TCOF1: variants seen among roughly 807,000 people sequenced by gnomAD.
TCOF1 encodes the protein treacle ribosome biogenesis factor 1, also known as treacle protein.
TCOF1 carries 33 observed loss-of-function variants against 149.0 expected under a neutral mutation model. The ratio of observed to expected loss-of-function variants is 0.22; its 90% CI spans 0.17 to 0.30. TCOF1 has a LOEUF of 0.30. Among genes scored for constraint, TCOF1 ranks in the 10% least tolerant of loss-of-function variants. The probability of loss-of-function intolerance (pLI) is 1.00; values close to 1 mark genes in which losing one functional copy is unlikely to be tolerated. For synonymous variants in TCOF1, 789 were observed against 738.8 expected (o/e 1.07, Z -1.10); for missense variants, 1,728 against 1,840.7 (o/e 0.94, Z 1.12).
intron 16 of TCOF1, 25 bp from the exon 17 acceptor site, chr5:150,379,507 C>G (rs1250746582): frequency 1.4e-6 from 2 of 1,379,566 alleles, no homozygotes; most frequent in South Asian, 2.7e-5. Context: ...CAGGCTCTCT[C>G]CTCTCATCCT....
chr5:150,390,166 C>T, intron 19 of TCOF1, 143 bp downstream of exon 19: 1 of 1,344,486 alleles, frequency 7.4e-7, no homozygotes, highest in South Asian at 1.4e-5. Context: ...CAGAGGCTTT[C>T]TGGCCTCCTA....
chr5:150,366,605 A>ATTAGATC (rs1465147107), intron 3 of TCOF1, among the ~76,000 whole-genome samples: 1 of 151,792 alleles, frequency 6.6e-6, no homozygotes, highest in Non-Finnish European at 1.5e-5. Flanking sequence ...CAGGAAAAGA[A>ATTAGATC]TTAGATCATG....
At chr5:150,365,115 C>T (rs113921178) in intron 3 of TCOF1, 13,634 of 152,028 alleles carry the variant, frequency 0.09, 716 homozygotes, top group African/African-American at 0.15. Context: ...CAGGCTGGAG[C>T]ACAATGGCGT....
At position 150,376,540 on chromosome 5, in the gene TCOF1, G is replaced by A. The variant is rs1383140270; in HGVS notation, c.2260G>A (p.Val754Met). Residue 754 changes from valine (V) to methionine (M), a missense_variant, in exon 14 of 27, where the codon GTG (valine) becomes ATG (methionine). By Grantham distance (21) the Val-to-Met change is conservative (BLOSUM62 1). Transcript: ENST00000643257. ...PGKTGPTVTQ[V>M]KAEKQEDSES... Reference sequence around the variant, plus strand: ...GAAGACGGGGCCTACAGTCACCCAGGTGAAAGCTGAAAAGCAGGAAGACTC... The same window carrying A: ...GAAGACGGGGCCTACAGTCACCCAGATGAAAGCTGAAAAGCAGGAAGACTC... The A allele has an allele frequency of 6.2e-7, 1 of 1,608,804 alleles. No homozygotes were observed. Among genetic ancestry groups the A allele is most frequent in the African/African-American group, 1.3e-5 (1 of 74,920 alleles).
chr5:150,357,969 G>C (rs1759030617), intron 1 of TCOF1, 115 bp downstream of exon 1: 1 of 1,037,922 alleles, frequency 9.6e-7, no homozygotes, highest in Non-Finnish European at 1.4e-6. Context: ...GGGTCCCGCA[G>C]TGCTCGACGG....
At chr5:150,393,020 A>T in intron 22 of TCOF1, 1 of 612,816 alleles carries the variant, frequency 1.6e-6, no homozygotes, top group East Asian at 2.8e-5. Context: ...GGGTCTGTAG[A>T]AGGGATTGAC....
chr5:150,396,368 G>T lies in TCOF1; in HGVS notation c.3871G>T (p.Ala1291Ser). The T allele has an allele frequency of 1.2e-6, 2 of 1,613,994 alleles. No homozygotes were observed. Among genetic ancestry groups the T allele is most frequent in the South Asian group, 2.2e-5 (2 of 91,086 alleles). Residue 1291 changes from alanine to serine, a missense_variant, in exon 24 of 27, where the codon GCG (alanine) becomes TCG (serine). By Grantham distance (99) the Ala-to-Ser change is moderately conservative. Around this residue, in one of 2 missense-constraint regions of TCOF1, gnomAD observed 1,696 missense variants for 1,765.4 expected, o/e 0.96. Transcript: ENST00000643257. ...TGGGAACCCCCAAGCCTCAACCCTG[G>T]CGCTGCAAAGCAACATCACCCAGTG... ...GAGNPQASTL[A>S]LQSNITQCLL...
At chr5:150,383,992 G>T (rs1765766121) in intron 17 of TCOF1, 1 of 1,396,096 alleles carries the variant, frequency 7.2e-7, no homozygotes, top group East Asian at 2.6e-5. Context: ...TCCTCCTCTA[G>T]CCCCAAGCTC....
chr5:150,392,590 G>A, intron 21 of TCOF1, 115 bp from the exon 22 acceptor site: 1 of 962,318 alleles, frequency 1.0e-6, no homozygotes, highest in Non-Finnish European at 1.6e-6. Flanking sequence ...GTGAGGCGGG[G>A]CAGGGGATGG....
rs547513834 is a variant in TCOF1, at chr5:150,378,817, C to T, written c.2341-88C>T. ...GCATGGAGGAGCCAGAATCCAGACTCGGGCTCCAGCTCCAGAGTCTGTATT... is the reference window on the plus strand; with the variant it reads ...GCATGGAGGAGCCAGAATCCAGACTTGGGCTCCAGCTCCAGAGTCTGTATT... On this transcript the variant is annotated intron_variant, in intron 14 of 26. Coordinates refer to ENST00000643257, the MANE Select transcript of TCOF1 (RefSeq NM_001371623.1). The T allele has an allele frequency of 1.4e-5, 23 of 1,597,250 alleles. No homozygotes were observed. In the South Asian group the frequency reaches 1.5e-4, roughly 11 times the overall value.
chr5:150,378,893 T>G lies in TCOF1; in HGVS notation c.2341-12T>G. The G allele has an allele frequency of 6.2e-7, 1 of 1,614,026 alleles. No homozygotes were observed. Among genetic ancestry groups the G allele is most frequent in the Non-Finnish European group, 8.5e-7 (1 of 1,180,028 alleles). ...CACCTTCTCCCTCCTTAATTCCCTT[T>G]TCTCCACTCAGGTGAAAACCTCAGT... On this transcript the variant is annotated splice_polypyrimidine_tract_variant and intron_variant, in intron 14 of 26. Transcript: ENST00000643257.
chr5:150,399,482 C>G (rs1769329636), intron 26 of TCOF1, among the ~76,000 whole-genome samples: 1 of 152,118 alleles, frequency 6.6e-6, no homozygotes, highest in Non-Finnish European at 1.5e-5. Context: ...TGAGCTATCA[C>G]CATGGATCTA....
intron 2 of TCOF1, 86 bp downstream of exon 2, chr5:150,361,297 A>G: frequency 6.6e-7 from 1 of 1,519,602 alleles, no homozygotes; most frequent in Non-Finnish European, 9.1e-7. Flanking sequence ...TATCTGGTCT[A>G]AGATCTGTCC....
rs1308093758 is a variant in TCOF1 at position 150,379,339 on chromosome 5, G to A, written c.2589G>A (p.Gly863=). ...AVATAAQAQT[G]PEEDSGSSEE... ...CTACAGCAGCTCAGGCCCAGACAGG[G>A]CCAGAGGAGGACTCAGGGAGCAGTG... Residue 863 remains glycine, a synonymous_variant, in exon 16 of 27, where the codon GGG becomes GGA. Transcript: ENST00000643257. 1 of 1,614,224 alleles carries A rather than the reference G, an allele frequency of 6.2e-7. No individual in the cohort carries two copies. The highest frequency in any genetic ancestry group is 1.3e-5 in the African/African-American group (1 of 75,060).
In TCOF1 at chr5:150,374,250, C is replaced by T; in HGVS notation, c.947C>T (p.Thr316Ile). 6.2e-7 allele frequency: 1 copy of T among 1,609,236 alleles called. No individual in the cohort carries two copies. Among genetic ancestry groups the T allele is most frequent in the South Asian group, 1.1e-5 (1 of 90,320 alleles). The change falls in exon 8 of 27, where the codon ACC becomes ATC. Residue 316 changes from threonine to isoleucine, a missense_variant. Physicochemically the swap from Thr to Ile is moderately conservative, Grantham distance 89. Transcript: ENST00000643257. ...PAKGTPGKGA[T>I]PAPPGKAGAV... Reference sequence around the variant, plus strand: ...AAGGGGACCCCTGGGAAAGGGGCTACCCCAGCACCCCCTGGGAAGGCAGGG... The same window carrying T: ...AAGGGGACCCCTGGGAAAGGGGCTATCCCAGCACCCCCTGGGAAGGCAGGG...
Position 150,361,099 on chromosome 5 carries a change from A to G in TCOF1, c.109-57A>G, listed in dbSNP as rs950538339. On this transcript the variant is annotated intron_variant, in intron 1 of 26. Coordinates refer to ENST00000643257, the MANE Select transcript of TCOF1 (RefSeq NM_001371623.1). Reference sequence around the variant, plus strand: ...ATGAGTTTGGGGAGATCTGGGCCCAAGAAGGATCCTTACTGTGCTGGGGAT... The same window carrying G: ...ATGAGTTTGGGGAGATCTGGGCCCAGGAAGGATCCTTACTGTGCTGGGGAT... 3.7e-6 allele frequency: 6 copies of G among 1,611,410 alleles called. No individual in the cohort carries two copies. The African/African-American group carries it at 5.3e-5, about 14-fold the overall frequency.
chr5:150,363,108 G>A (rs1333782882), intron 2 of TCOF1, among the ~76,000 whole-genome samples: 2 of 152,030 alleles, frequency 1.3e-5, no homozygotes, highest in Non-Finnish European at 2.9e-5. Flanking sequence ...GAGGCTCCCC[G>A]ACTTCCTGCA....
chr5:150,393,318 G>C, intron 22 of TCOF1, 54 bp from the exon 23 acceptor site: 2 of 1,611,358 alleles, frequency 1.2e-6, no homozygotes, highest in East Asian at 2.2e-5. Flanking sequence ...CTCGGGCTGG[G>C]TTATGGCAGT....
rs890574264 is a variant in TCOF1, at chr5:150,374,955, C to A, written c.1280C>A (p.Ala427Glu). The stretch of plus-strand genomic sequence containing the variant: ...CCCTCATCCTGTTTCTCACTCCAGG[C>A]GAAGCCTTCAGGGAAGGCCCCCCAG... ...SDSEEEAPAQ[A>E]KPSGKAPQVR... is the part of the protein sequence containing the mutation. The change falls in exon 10 of 27, where the codon GCG (alanine) becomes GAG (glutamate). Residue 427 changes from alanine (A) to glutamate (E), a missense_variant and splice_region_variant. Ala to Glu is a moderately radical substitution (Grantham distance 107). Transcript: ENST00000643257. 6.2e-7 allele frequency: 1 copy of A among 1,613,512 alleles called. No homozygotes were observed.
Sources: gnomAD v4.1 joint callset for allele counts (sites outside exome capture counted in the v4.1 genomes callset) on GRCh38, gnomAD v4.1.1 for gene constraint, gnomAD v4.1.1 regional missense constraint, MANE v1.5 for transcripts, NCBI Gene and HGNC (gene_info 2026-07-23, HGNC 2026-07-21) for gene names.